The following CADPS2 variants were observed in gnomAD, a reference collection of about 807,000 sequenced individuals.
CADPS2 encodes the protein calcium-dependent secretion activator 2.
In CADPS2, 93 loss-of-function variants were observed where a neutral mutation model predicts 172.5. The ratio of observed to expected loss-of-function variants is 0.54; its 90% CI spans 0.46 to 0.64. The LOEUF is 0.64. Ranked by LOEUF, CADPS2 falls within the 30% of genes least tolerant of loss-of-function variation. CADPS2 has a pLI of 0.00. For missense variants in CADPS2, 1,420 were observed against 1,565.9 expected, an observed-to-expected ratio of 0.91 and a Z score of 1.57; for synonymous variants, 546 against 555.2, an observed-to-expected ratio of 0.98 and a Z score of 0.23.
At chr7:122,844,611 C>T (rs1012022212) in intron 1 of CADPS2, among the ~76,000 whole-genome samples, 2 of 152,252 alleles carry the variant, frequency 1.3e-5, no homozygotes, top group African/African-American at 4.8e-5. Context: ...AACAATATTG[C>T]TTAACTAAAT....
chr7:122,759,749 C>G (rs1022934249), intron 1 of CADPS2, among the ~76,000 whole-genome samples: 3 of 152,132 alleles, frequency 2.0e-5, no homozygotes, highest in Non-Finnish European at 4.4e-5. Context: ...ATCCAATTGT[C>G]ACCATTTCTG....
At chr7:122,435,475 G>A (rs2050512465) in intron 17 of CADPS2, among the ~76,000 whole-genome samples, 1 of 151,996 alleles carries the variant, frequency 6.6e-6, no homozygotes, top group East Asian at 1.9e-4. Context: ...ACACCTGTTG[G>A]GACGACTATT....
intron 1 of CADPS2, among the ~76,000 whole-genome samples, chr7:122,824,887 G>C (rs1804439484): frequency 6.6e-6 from 1 of 152,100 alleles, no homozygotes. Context: ...TTCTCCATAT[G>C]GCTATCTGGT....
chr7:122,576,701 G>A (rs1236264016), intron 7 of CADPS2, among the ~76,000 whole-genome samples: 3 of 151,972 alleles, frequency 2.0e-5, no homozygotes, highest in Non-Finnish European at 4.4e-5. Context: ...GAGACCAGGT[G>A]GAGGTAACTG....
intron 1 of CADPS2, among the ~76,000 whole-genome samples, chr7:122,885,724 C>A (rs146005316): frequency 2.0e-5 from 3 of 152,082 alleles, no homozygotes; most frequent in Admixed American, 6.5e-5. Flanking sequence ...CGGGTGCAAC[C>A]GCGGCGCGGC....
chr7:122,538,736 T>C (rs994936054), intron 8 of CADPS2, among the ~76,000 whole-genome samples: 3 of 152,028 alleles, frequency 2.0e-5, no homozygotes, highest in Non-Finnish European at 2.9e-5. Flanking sequence ...CTTAGTGAAA[T>C]TAAGTATCTG....
intron 5 of CADPS2, among the ~76,000 whole-genome samples, chr7:122,620,419 G>GGT (rs141095428): frequency 6.6e-6 from 1 of 152,000 alleles, no homozygotes; most frequent in Non-Finnish European, 1.5e-5. Flanking sequence ...AAAGATGTCA[G>GGT]GTGTGTGTGT....
intron 1 of CADPS2, among the ~76,000 whole-genome samples, chr7:122,757,671 C>T (rs897534822): frequency 1.5e-4 from 22 of 146,564 alleles, no homozygotes; most frequent in African/African-American, 5.5e-4. Context: ...TACGTTTGGA[C>T]GTTCAATCCC....
At chr7:122,790,071 A>G (rs968465056) in intron 1 of CADPS2, among the ~76,000 whole-genome samples, 1 of 116,524 alleles carries the variant, frequency 8.6e-6, no homozygotes, top group Admixed American at 1.0e-4. Context: ...AGGTCTTTGT[A>G]TCAAAGTTTG....
chr7:122,803,337 T>G (rs2140002338), intron 1 of CADPS2, among the ~76,000 whole-genome samples: 1 of 152,278 alleles, frequency 6.6e-6, no homozygotes, highest in Admixed American at 6.5e-5. Flanking sequence ...AAAGACTCAT[T>G]TTTTCCCTTT....
chr7:122,697,944 C>G (rs1175871543), intron 2 of CADPS2: 1 of 1,613,814 alleles, frequency 6.2e-7, no homozygotes. Flanking sequence ...AGGTTTCAGG[C>G]AGTTCATTTG....
chr7:122,761,996 CAAAAAA>C (rs1163039605), intron 1 of CADPS2, among the ~76,000 whole-genome samples: 2 of 67,526 alleles, frequency 3.0e-5, no homozygotes, highest in Admixed American at 2.1e-4. Flanking sequence ...GACTCTGCCT[CAAAAAA>C]AAAAAAAAAA....
At chr7:122,437,291 T>C (rs1186845756) in intron 17 of CADPS2, among the ~76,000 whole-genome samples, 1 of 152,150 alleles carries the variant, frequency 6.6e-6, no homozygotes, top group Non-Finnish European at 1.5e-5. Flanking sequence ...TTGGTTGTTA[T>C]GGTGATGAGA....
At chr7:122,440,329 C>T (rs529160133) in intron 16 of CADPS2, 2 of 152,052 alleles carry the variant, frequency 1.3e-5, no homozygotes, top group African/African-American at 2.4e-5. Context: ...TAGGTACCCA[C>T]GATGGGATGT....
At chr7:122,375,708 G>T (rs777868933) in intron 25 of CADPS2, among the ~76,000 whole-genome samples, 15 of 152,010 alleles carry the variant, frequency 9.9e-5, no homozygotes, top group Non-Finnish European at 1.9e-4. Flanking sequence ...CCGTAGCAAT[G>T]ACTTCTTGGC....
chr7:122,506,327 T>C (rs1277351694), intron 9 of CADPS2, among the ~76,000 whole-genome samples: 1 of 152,206 alleles, frequency 6.6e-6, no homozygotes, highest in Admixed American at 6.5e-5. Flanking sequence ...CAATCCACTC[T>C]TAATAACTCT....
intron 2 of CADPS2, chr7:122,698,437 G>C: frequency 6.2e-7 from 1 of 1,613,908 alleles, no homozygotes; most frequent in Non-Finnish European, 8.5e-7. Flanking sequence ...GAAAATTTCC[G>C]TGCCTTTTAA....
intron 7 of CADPS2, among the ~76,000 whole-genome samples, chr7:122,556,066 A>G (rs1019815336): frequency 1.3e-5 from 2 of 152,100 alleles, no homozygotes; most frequent in African/African-American, 4.8e-5. Flanking sequence ...TGAATCCAGC[A>G]TATCTATATA....
chr7:122,536,742 C>T (rs547802570), intron 8 of CADPS2, among the ~76,000 whole-genome samples: 4 of 152,106 alleles, frequency 2.6e-5, no homozygotes, highest in South Asian at 2.1e-4. Context: ...GTTTGCACAG[C>T]GCTTTCAGAT....
Sources: allele counts gnomAD v4.1 joint callset (sites outside exome capture counted in the v4.1 genomes callset), GRCh38; gene constraint gnomAD v4.1.1; transcripts MANE v1.5; gene names NCBI Gene and HGNC (gene_info 2026-07-23, HGNC 2026-07-21).